STPG2: variants seen among roughly 807,000 people sequenced by gnomAD.
STPG2 encodes the protein sperm-tail PG-rich repeat-containing protein 2.
In STPG2, 56 loss-of-function variants were observed where a neutral mutation model predicts 54.2. The ratio of observed to expected loss-of-function variants is 1.03; its 90% CI spans 0.83 to 1.29. STPG2 has a LOEUF of 1.29. Ranked by LOEUF, STPG2 falls within the 50% of genes most tolerant of loss-of-function variation. The probability of loss-of-function intolerance (pLI) is 0.00; values close to 1 mark genes in which losing one functional copy is unlikely to be tolerated. For synonymous variants in STPG2, 200 were observed against 181.8 expected (o/e 1.10, Z -0.81); for missense variants, 596 against 544.9 (o/e 1.09, Z -0.93).
At chr4:97,978,746 A>G (rs1469047795) in intron 6 of STPG2, among the ~76,000 whole-genome samples, 5 of 152,230 alleles carry the variant, frequency 3.3e-5, no homozygotes, top group African/African-American at 4.8e-5. Context: ...AGAATTTCCT[A>G]GATTTGAAAA....
At chr4:97,929,540 T>A (rs1472719990) in intron 8 of STPG2, among the ~76,000 whole-genome samples, 1 of 152,208 alleles carries the variant, frequency 6.6e-6, no homozygotes. Flanking sequence ...TAGAATCTTT[T>A]ATTTTTTCAC....
intron 10 of STPG2, among the ~76,000 whole-genome samples, chr4:97,656,420 TTAAG>T (rs1722220064): frequency 6.6e-6 from 1 of 152,158 alleles, no homozygotes; most frequent in Non-Finnish European, 1.5e-5. Flanking sequence ...ATGTAATTAC[TTAAG>T]TAAGAGAAAA....
chr4:97,909,264 A>T (rs1369718434), intron 8 of STPG2, among the ~76,000 whole-genome samples: 2 of 152,002 alleles, frequency 1.3e-5, no homozygotes, highest in African/African-American at 4.8e-5. Flanking sequence ...AATTTAAATA[A>T]AATGAAAAGA....
intron 7 of STPG2, among the ~76,000 whole-genome samples, chr4:97,953,736 C>T (rs944068558): frequency 6.6e-6 from 1 of 152,196 alleles, no homozygotes; most frequent in African/African-American, 2.4e-5. Flanking sequence ...GGTGTGTATC[C>T]TGGAGGCATT....
chr4:97,456,912 T>TAAAAAAAAAAAAAAAAAAA (rs1166086887), intron 4 of STPG2, among the ~76,000 whole-genome samples: 11 of 97,222 alleles, frequency 1.1e-4, no homozygotes, highest in African/African-American at 7.8e-4. Flanking sequence ...AAAAGAAAAT[T>TAAAAAAAAAAAAAAAAAAA]AAAAAAAAAA....
chr4:97,941,406 G>T (rs541451965), intron 8 of STPG2, among the ~76,000 whole-genome samples: 1 of 152,034 alleles, frequency 6.6e-6, no homozygotes, highest in African/African-American at 2.4e-5. Context: ...AATAATTATT[G>T]TCTCAACATT....
At chr4:98,105,920 G>A in intron 5 of STPG2, 33 bp downstream of exon 5, 1 of 1,510,530 alleles carries the variant, frequency 6.6e-7, no homozygotes, top group Non-Finnish European at 9.0e-7. Flanking sequence ...TTAAAATTGG[G>A]AAAATATATG....
At chr4:98,127,390 G>T (rs781642367) in intron 3 of STPG2, among the ~76,000 whole-genome samples, 7 of 152,122 alleles carry the variant, frequency 4.6e-5, no homozygotes, top group Non-Finnish European at 1.0e-4. Context: ...TCCCAGTGTA[G>T]CTACTGCCAC....
intron 10 of STPG2, among the ~76,000 whole-genome samples, chr4:97,671,749 C>A (rs976044074): frequency 3.3e-5 from 5 of 152,094 alleles, no homozygotes; most frequent in Non-Finnish European, 5.9e-5. Context: ...TACTAAAATT[C>A]TCTGTGCTTC....
At chr4:97,886,327 G>T (rs1033317976) in intron 8 of STPG2, among the ~76,000 whole-genome samples, 3 of 152,172 alleles carry the variant, frequency 2.0e-5, no homozygotes, top group East Asian at 1.9e-4. Context: ...AATGCTTTAT[G>T]CCAGTAGAAA....
chr4:97,638,283 C>A (rs1359879305), intron 10 of STPG2, among the ~76,000 whole-genome samples: 8 of 152,134 alleles, frequency 5.3e-5, no homozygotes, highest in Non-Finnish European at 7.4e-5. Context: ...GGAAAACTGG[C>A]TAGCCATATG....
At chr4:97,742,751 C>A (rs1368736689) in intron 9 of STPG2, among the ~76,000 whole-genome samples, 1 of 150,510 alleles carries the variant, frequency 6.6e-6, no homozygotes, top group Non-Finnish European at 1.5e-5. Flanking sequence ...AGTTGGTAAC[C>A]TGAGATATGG....
At chr4:97,949,344 T>C (rs1187914248) in intron 7 of STPG2, among the ~76,000 whole-genome samples, 1 of 152,158 alleles carries the variant, frequency 6.6e-6, no homozygotes, top group Non-Finnish European at 1.5e-5. Context: ...AGACCAAAGA[T>C]ATCTAGTTTG....
intron 5 of STPG2, among the ~76,000 whole-genome samples, chr4:98,018,264 G>A (rs1048553759): frequency 9.2e-5 from 14 of 151,884 alleles, no homozygotes; most frequent in East Asian, 5.8e-4. Context: ...GAGAACATGC[G>A]GTGTTTGGTT....
intron 8 of STPG2, among the ~76,000 whole-genome samples, chr4:97,906,570 G>T (rs952463966): frequency 6.6e-6 from 1 of 152,048 alleles, no homozygotes; most frequent in African/African-American, 2.4e-5. Context: ...CCAAAAAAGA[G>T]AATTTTAGAC....
At chr4:97,601,545 A>G (rs1578416863) in intron 10 of STPG2, among the ~76,000 whole-genome samples, 1 of 151,586 alleles carries the variant, frequency 6.6e-6, no homozygotes, top group Admixed American at 6.6e-5. Context: ...TCTTTTTCCC[A>G]CTGATCTGTA....
chr4:98,058,980 C>CA (rs55750054), intron 5 of STPG2, among the ~76,000 whole-genome samples: 10,209 of 130,956 alleles, frequency 0.078, 375 homozygotes, highest in Non-Finnish European at 0.092. Flanking sequence ...TAGCAGAAGA[C>CA]AAAAAAAAAA....
chr4:97,653,257 A>G (rs1722126231), intron 10 of STPG2, among the ~76,000 whole-genome samples: 1 of 152,018 alleles, frequency 6.6e-6, no homozygotes, highest in South Asian at 2.1e-4. Context: ...AGAATGAGAA[A>G]AGAAAGATAA....
intron 9 of STPG2, among the ~76,000 whole-genome samples, chr4:97,796,595 T>G (rs2149085213): frequency 6.6e-6 from 1 of 152,348 alleles, no homozygotes; most frequent in South Asian, 2.1e-4. Flanking sequence ...GCTGTTTTGG[T>G]TACTGTAGCC....
Sources: gnomAD v4.1 joint callset for allele counts (sites outside exome capture counted in the v4.1 genomes callset) on GRCh38, gnomAD v4.1.1 for gene constraint, MANE v1.5 for transcripts, NCBI Gene and HGNC (gene_info 2026-07-23, HGNC 2026-07-21) for gene names.